The following ZBTB16 variants were observed in gnomAD, a reference collection of about 807,000 sequenced individuals.
The protein encoded by ZBTB16 is zinc finger and BTB domain-containing protein 16.
In ZBTB16, 8 loss-of-function variants were observed where a neutral mutation model predicts 56.8. The observed-to-expected ratio is 0.14, with a 90% confidence interval of 0.08 to 0.25. The LOEUF is 0.25. Ranked by LOEUF, ZBTB16 falls within the 10% of genes least tolerant of loss-of-function variation. ZBTB16 has a pLI of 1.00. For missense variants in ZBTB16, 625 were observed against 903.0 expected (o/e 0.69, Z 3.95); for synonymous variants, 363 against 368.5 (o/e 0.98, Z 0.17).
chr11:114,220,071 G>A (rs1944198039), intron 4 of ZBTB16, among the ~76,000 whole-genome samples: 1 of 152,230 alleles, frequency 6.6e-6, no homozygotes, highest in Admixed American at 6.5e-5. Context: ...CCAGTCTTTG[G>A]CCTCCGTCAA....
chr11:114,155,234 C>T (rs1942378622), intron 2 of ZBTB16, among the ~76,000 whole-genome samples: 1 of 152,220 alleles, frequency 6.6e-6, no homozygotes. Context: ...AGGGCCAAGG[C>T]CCCTGGGGAC....
intron 4 of ZBTB16, among the ~76,000 whole-genome samples, chr11:114,223,113 GGCCACAGA>G (rs971045675): frequency 6.6e-6 from 1 of 152,154 alleles, no homozygotes; most frequent in Non-Finnish European, 1.5e-5. Context: ...TCACAGCTTT[GGCCACAGA>G]GTGATAGCCG....
intron 4 of ZBTB16, among the ~76,000 whole-genome samples, chr11:114,212,661 G>A (rs1001908571): frequency 1.3e-5 from 2 of 152,130 alleles, no homozygotes; most frequent in African/African-American, 4.8e-5. Flanking sequence ...GTTGCTTCCC[G>A]AAGCTGCTTT....
intron 2 of ZBTB16, among the ~76,000 whole-genome samples, chr11:114,125,087 TA>T (rs1941469311): frequency 1.3e-5 from 2 of 151,986 alleles, no homozygotes; most frequent in Non-Finnish European, 1.5e-5. Context: ...TTTTCCTTTA[TA>T]GTTCTATTGG....
rs1020442884 is a variant in ZBTB16 at position 114,236,494 on chromosome 11, C to T, written c.1454-5673C>T. Reference sequence around the variant, plus strand: ...ACAGAGCTCAGACATGGAGTGACAACGAAGGAGTCCTGTCCAGCCCACCAG... The same window carrying T: ...ACAGAGCTCAGACATGGAGTGACAATGAAGGAGTCCTGTCCAGCCCACCAG... On this transcript the variant is annotated intron_variant, in intron 4 of 6. Coordinates refer to ENST00000335953, the MANE Select transcript of ZBTB16 (RefSeq NM_006006.6). 7.9e-5 allele frequency among the ~76,000 whole-genome samples: 12 copies of T among 152,238 alleles called. No homozygotes were observed. In the East Asian group the frequency reaches 1.7e-3, roughly 22 times the overall value.
intron 2 of ZBTB16, among the ~76,000 whole-genome samples, chr11:114,140,693 G>T (rs189980199): frequency 6.6e-6 from 1 of 152,164 alleles, no homozygotes; most frequent in Admixed American, 6.5e-5. Context: ...CTCTTACTCC[G>T]TGGAGTCACT....
chr11:114,246,982 C>A (rs1179505878), intron 5 of ZBTB16: 5 of 636,640 alleles, frequency 7.9e-6, no homozygotes, highest in Middle Eastern at 4.3e-4. Flanking sequence ...GCCCTTGCCC[C>A]ACAGATGATC....
chr11:114,104,497 C>T (rs1490965504), intron 2 of ZBTB16, among the ~76,000 whole-genome samples: 1 of 152,180 alleles, frequency 6.6e-6, no homozygotes, highest in Non-Finnish European at 1.5e-5. Flanking sequence ...GGAAGTACCC[C>T]CAAGCAGCCA....
At chr11:114,139,304 G>A (rs1307076694) in intron 2 of ZBTB16, among the ~76,000 whole-genome samples, 2 of 152,116 alleles carry the variant, frequency 1.3e-5, no homozygotes, top group African/African-American at 2.4e-5. Context: ...GGGGGCTGCC[G>A]CTAATTCCCT....
In ZBTB16 at chr11:114,072,197, C is replaced by T. The variant is rs192363377; in HGVS notation, c.1268+7629C>T. Among the ~76,000 whole-genome samples, 15 of 152,364 alleles carry T rather than the reference C, an allele frequency of 9.8e-5. No homozygotes were observed. In the East Asian group the frequency reaches 2.9e-3, roughly 29 times the overall value. On this transcript the variant is annotated intron_variant, in intron 2 of 6. Transcript: ENST00000335953. ...TCTTCCGCATAGGCGTCAATCCGTA[C>T]AGTGCTGTAAAACTGCTGCCTCGGG...
intron 4 of ZBTB16, among the ~76,000 whole-genome samples, chr11:114,221,657 G>A (rs909768897): frequency 3.9e-5 from 6 of 152,170 alleles, no homozygotes; most frequent in African/African-American, 1.4e-4. Flanking sequence ...TGAGTTGGGT[G>A]ACTTGGGGGT....
chr11:114,233,125 A>ACTCACT lies in ZBTB16; in HGVS notation c.1454-9039_1454-9038insACTCTC, dbSNP rs1555159561. 5.5e-5 allele frequency among the ~76,000 whole-genome samples: 3 copies of ACTCACT among 54,718 alleles called. No individual in the cohort carries two copies. The East Asian group carries it at 2.2e-3, about 39-fold the overall frequency. 35.9% of individuals were successfully genotyped at this position (54,718 alleles called of 152,430 possible). On this transcript the variant is annotated intron_variant, in intron 4 of 6. Coordinates refer to ENST00000335953, the MANE Select transcript of ZBTB16 (RefSeq NM_006006.6). ...CACACACACACACACACACACACAC[A>ACTCACT]CTCTCTCTCTCTCACACTCCCTTTC... is the stretch of plus-strand genomic sequence containing the variant.
intron 3 of ZBTB16, among the ~76,000 whole-genome samples, chr11:114,159,608 C>T (rs1209780894): frequency 6.6e-6 from 1 of 152,114 alleles, no homozygotes; most frequent in East Asian, 1.9e-4. Context: ...GTTAAACAGG[C>T]CCTGGGGGCC....
chr11:114,191,885 T>C (rs1002492395), intron 4 of ZBTB16, among the ~76,000 whole-genome samples: 12 of 152,252 alleles, frequency 7.9e-5, no homozygotes, highest in African/African-American at 2.9e-4. Flanking sequence ...TGGAGGGTTT[T>C]GACTGGGAGA....
intron 2 of ZBTB16, among the ~76,000 whole-genome samples, chr11:114,078,327 A>T (rs1225652668): frequency 6.6e-6 from 1 of 152,182 alleles, no homozygotes; most frequent in Non-Finnish European, 1.5e-5. Flanking sequence ...TCCCACCCCT[A>T]CAAGTTGTTG....
chr11:114,125,874 G>A (rs1435413537), intron 2 of ZBTB16, among the ~76,000 whole-genome samples: 1 of 152,170 alleles, frequency 6.6e-6, no homozygotes, highest in Non-Finnish European at 1.5e-5. Flanking sequence ...CTTTTCACAT[G>A]AAGAGGCAAC....
intron 3 of ZBTB16, among the ~76,000 whole-genome samples, chr11:114,181,861 C>T (rs1444652010): frequency 1.3e-5 from 2 of 152,156 alleles, no homozygotes; most frequent in Non-Finnish European, 2.9e-5. Context: ...CCCGCATCTC[C>T]CACCTCCATG....
At chr11:114,095,375 C>T (rs1940357294) in intron 2 of ZBTB16, among the ~76,000 whole-genome samples, 1 of 151,176 alleles carries the variant, frequency 6.6e-6, no homozygotes, top group African/African-American at 2.4e-5. Context: ...ACTATCCTGC[C>T]TCAGCCTCCT....
intron 4 of ZBTB16, among the ~76,000 whole-genome samples, chr11:114,227,462 T>G (rs1489277223): frequency 6.6e-6 from 1 of 152,254 alleles, no homozygotes; most frequent in Non-Finnish European, 1.5e-5. Flanking sequence ...TGTGCAATCC[T>G]TTATCCATCT....
Sources: allele counts gnomAD v4.1 joint callset (sites outside exome capture counted in the v4.1 genomes callset), GRCh38; gene constraint gnomAD v4.1.1; transcripts MANE v1.5; gene names NCBI Gene and HGNC (gene_info 2026-07-23, HGNC 2026-07-21).